Variants in SEMA3A observed in about 807,000 individuals in gnomAD.
SEMA3A encodes the protein semaphorin-3A.
SEMA3A carries 29 observed loss-of-function variants against 97.9 expected under a neutral mutation model. The ratio of observed to expected loss-of-function variants is 0.30; its 90% CI spans 0.22 to 0.40. The LOEUF (loss-of-function observed/expected upper bound fraction) is 0.40, where lower values mean the gene tolerates loss of function less well. Among genes scored for constraint, SEMA3A ranks in the 10% least tolerant of loss-of-function variants. SEMA3A has a pLI of 1.00. For synonymous variants in SEMA3A, 321 were observed against 323.7 expected (o/e 0.99, Z 0.09); for missense variants, 763 against 951.3 (o/e 0.80, Z 2.60).
chr7:84,116,882 C>T (rs919791604), intron 3 of SEMA3A, among the ~76,000 whole-genome samples: 3 of 152,098 alleles, frequency 2.0e-5, no homozygotes, highest in African/African-American at 7.2e-5. Flanking sequence ...TATGGTAGCC[C>T]TAATGGAGTA....
chr7:84,082,531 G>T (rs2115806750), intron 4 of SEMA3A, among the ~76,000 whole-genome samples: 1 of 152,132 alleles, frequency 6.6e-6, no homozygotes, highest in East Asian at 1.9e-4. Flanking sequence ...AAGCTACTTG[G>T]TAAAGAAATA....
chr7:84,423,808 A>G (rs1320880449), intron 1 of SEMA3A, among the ~76,000 whole-genome samples: 5 of 151,980 alleles, frequency 3.3e-5, no homozygotes, highest in African/African-American at 1.2e-4. Context: ...AATCAGCAAG[A>G]AAAAAATAAT....
chr7:84,413,465 A>C (rs551994209), intron 1 of SEMA3A, among the ~76,000 whole-genome samples: 3 of 152,160 alleles, frequency 2.0e-5, no homozygotes, highest in Admixed American at 6.6e-5. Flanking sequence ...CTGTCTCTAC[A>C]AAAAACACAA....
At position 84,361,491 on chromosome 7, in the gene SEMA3A, C is replaced by T. The variant is rs533500334; in HGVS notation, c.-169+10333G>A. On this transcript the variant is annotated intron_variant, in intron 2 of 3. Transcript: ENST00000424555. ...CAGCTATGGAGCAATGTTTATAATG[C>T]AAATAAATATATCTATCCTTATCGA... 5.3e-5 allele frequency among the ~76,000 whole-genome samples: 8 copies of T among 152,046 alleles called. 1 individual carries two copies. The South Asian group carries it at 1.7e-3, about 32-fold the overall frequency.
intron 12 of SEMA3A, among the ~76,000 whole-genome samples, chr7:83,987,242 G>A (rs1197242456): frequency 6.6e-6 from 1 of 151,944 alleles, no homozygotes; most frequent in East Asian, 1.9e-4. Flanking sequence ...AAAAAATTGA[G>A]GATTGAGAAG....
chr7:83,966,525 T>C (rs111415305), intron 15 of SEMA3A, among the ~76,000 whole-genome samples: 2 of 152,068 alleles, frequency 1.3e-5, no homozygotes, highest in Non-Finnish European at 2.9e-5. Flanking sequence ...TTCTTTCCCC[T>C]TTTTGTCCAA....
intron 1 of SEMA3A, among the ~76,000 whole-genome samples, chr7:84,469,376 G>C (rs1300354809): frequency 1.3e-5 from 2 of 152,134 alleles, no homozygotes; most frequent in Non-Finnish European, 2.9e-5. Flanking sequence ...CAGAAGAAAA[G>C]AGTAGACCAT....
chr7:84,095,662 G>A (rs1273018489), intron 4 of SEMA3A, among the ~76,000 whole-genome samples: 1 of 150,538 alleles, frequency 6.6e-6, no homozygotes, highest in Non-Finnish European at 1.5e-5. Context: ...GTTATCCAGG[G>A]GAGATCAAAG....
intron 4 of SEMA3A, among the ~76,000 whole-genome samples, chr7:84,082,118 C>T (rs1167502168): frequency 6.6e-6 from 1 of 152,078 alleles, no homozygotes; most frequent in Admixed American, 6.5e-5. Flanking sequence ...ATGAATTTTA[C>T]CTTTGAGTAC....
intron 1 of SEMA3A, among the ~76,000 whole-genome samples, chr7:84,436,204 G>A (rs1805124561): frequency 6.6e-6 from 1 of 152,080 alleles, no homozygotes; most frequent in Non-Finnish European, 1.5e-5. Flanking sequence ...AAATTTAAAT[G>A]TAAGACATTA....
intron 1 of SEMA3A, among the ~76,000 whole-genome samples, chr7:84,476,942 TTTAA>T (rs1304462055): frequency 2.0e-5 from 3 of 151,816 alleles, no homozygotes; most frequent in East Asian, 1.9e-4. Context: ...TTTTCCAGTA[TTTAA>T]TTAACCTCTT....
intron 2 of SEMA3A, among the ~76,000 whole-genome samples, chr7:84,326,703 CA>C (rs1801783267): frequency 6.6e-6 from 1 of 151,830 alleles, no homozygotes; most frequent in Non-Finnish European, 1.5e-5. Flanking sequence ...GCTTGTCTGA[CA>C]AAAACAAACA....
intron 3 of SEMA3A, among the ~76,000 whole-genome samples, chr7:84,121,458 A>G (rs1256928785): frequency 1.3e-5 from 2 of 150,454 alleles, no homozygotes; most frequent in African/African-American, 2.5e-5. Flanking sequence ...GAGAACATGC[A>G]GTGTTTGGTT....
chr7:84,121,217 A>T (rs1046290356), intron 3 of SEMA3A, among the ~76,000 whole-genome samples: 3 of 152,054 alleles, frequency 2.0e-5, no homozygotes, highest in African/African-American at 7.2e-5. Flanking sequence ...TAATAAAACA[A>T]TTTTTTATGA....
At chr7:84,373,825 T>C (rs1803033435) in intron 1 of SEMA3A, among the ~76,000 whole-genome samples, 2 of 152,316 alleles carry the variant, frequency 1.3e-5, no homozygotes, top group South Asian at 4.1e-4. Flanking sequence ...GTCTGGAAAA[T>C]AAAAGTGAGT....
At chr7:84,029,742 A>G (rs1032042479) in intron 6 of SEMA3A, among the ~76,000 whole-genome samples, 5 of 152,006 alleles carry the variant, frequency 3.3e-5, no homozygotes, top group Admixed American at 3.3e-4. Flanking sequence ...CATTCAGAAA[A>G]TAATCTCTAG....
intron 1 of SEMA3A, among the ~76,000 whole-genome samples, chr7:84,137,251 A>T (rs1048079379): frequency 3.9e-5 from 6 of 151,996 alleles, no homozygotes; most frequent in Non-Finnish European, 8.8e-5. Context: ...ATACAAAAAA[A>T]TAAGCTGGGC....
At chr7:84,144,154 AAAT>A (rs895892988) in intron 1 of SEMA3A, among the ~76,000 whole-genome samples, 6 of 151,782 alleles carry the variant, frequency 4.0e-5, no homozygotes, top group African/African-American at 7.3e-5. Context: ...AGATATGAAA[AAAT>A]AATAATAATA....
intron 1 of SEMA3A, among the ~76,000 whole-genome samples, chr7:84,470,474 A>G (rs1289370330): frequency 6.6e-6 from 1 of 152,138 alleles, no homozygotes; most frequent in African/African-American, 2.4e-5. Flanking sequence ...AAATTGATAA[A>G]ACAAATTCTG....
Sources: allele counts gnomAD v4.1 joint callset (sites outside exome capture counted in the v4.1 genomes callset), GRCh38; gene constraint gnomAD v4.1.1; transcripts MANE v1.5; gene names NCBI Gene and HGNC (gene_info 2026-07-23, HGNC 2026-07-21).